The following PDE1A variants were observed in gnomAD, a reference collection of about 807,000 sequenced individuals.
PDE1A encodes the protein phosphodiesterase 1A.
A neutral mutation model predicts 61.7 loss-of-function variants in PDE1A; 35 were observed. The ratio of observed to expected loss-of-function variants is 0.57; its 90% CI spans 0.43 to 0.75. The LOEUF (loss-of-function observed/expected upper bound fraction) is 0.75, where lower values mean the gene tolerates loss of function less well. Among genes scored for constraint, PDE1A ranks in the 30% least tolerant of loss-of-function variants. The pLI, the probability that PDE1A is intolerant of heterozygous loss-of-function variation, is 0.00. For missense variants in PDE1A, 597 were observed against 630.6 expected (o/e 0.95, Z 0.57); for synonymous variants, 232 against 213.2 (o/e 1.09, Z -0.77).
chr2:182,205,859 C>A lies in PDE1A; in HGVS notation c.902+81G>T, dbSNP rs116644185. ...GTAATTTGGGGAATGCATCGACTTT[C>A]ATCTTTTTTCTTGACTTTAAATCGC... On this transcript the variant is annotated intron_variant, in intron 8 of 13. Coordinates refer to ENST00000351439, the Ensembl canonical transcript of PDE1A. 8,802 of 1,290,186 alleles carry A rather than the reference C, an allele frequency of 6.8e-3. 41 individuals are homozygous for A. The highest frequency in any genetic ancestry group is 8.0e-3 in the Non-Finnish European group (7,372 of 924,020). 79.9% of individuals were successfully genotyped at this position (1,290,186 alleles called of 1,614,324 possible). A position where few individuals can be genotyped will look rare whatever the true frequency, so the allele number is the denominator to read the frequency against.
Position 182,177,372 on chromosome 2 carries a change from T to C in PDE1A, c.1516+8520A>G, listed in dbSNP as rs536358630. 4.0e-3 allele frequency among the ~76,000 whole-genome samples: 601 copies of C among 152,072 alleles called. 2 individuals carry two copies. The highest frequency in any genetic ancestry group is 0.012 in the African/African-American group (504 of 41,488). ...ATTGCCACAATTTCAGATCCTGTTA[T>C]TGGTCTATTCAGAGATTCAACTTCT... On this transcript the variant is annotated intron_variant, in intron 13 of 13. Transcript: ENST00000351439.
At chr2:182,626,782 C>T in the PDE1A span, among the ~76,000 whole-genome samples, 19 of 2,552 alleles carry the variant, frequency 7.4e-3, 1 homozygote, top group South Asian at 0.02. Context: ...CATATATATA[C>T]ATATATATAC....
chr2:182,307,025 G>A (rs1035561682), intron 1 of PDE1A, among the ~76,000 whole-genome samples: 1 of 152,072 alleles, frequency 6.6e-6, no homozygotes, highest in African/African-American at 2.4e-5. Context: ...TACCAACTGG[G>A]AGAAATATTT....
chr2:182,694,949 C>T, the PDE1A span, among the ~76,000 whole-genome samples: 1 of 150,844 alleles, frequency 6.6e-6, no homozygotes, highest in African/African-American at 2.4e-5. Context: ...AATATACTAT[C>T]CCATTTTTTG....
intron 2 of PDE1A, among the ~76,000 whole-genome samples, chr2:182,240,599 T>C (rs780981581): frequency 1.3e-5 from 2 of 152,018 alleles, no homozygotes; most frequent in Non-Finnish European, 2.9e-5. Flanking sequence ...ATTCTAATAA[T>C]GAATAAAACT....
At chr2:182,141,848 A>G (rs1690241101) in exon 15 of PDE1A, 1 of 152,240 alleles carries the variant, frequency 6.6e-6, no homozygotes, top group African/African-American at 2.4e-5. Context: ...TCACAAAGAT[A>G]AATTCACTGA....
At chr2:182,466,848 C>T (rs560632420) in intron 2 of PDE1A, among the ~76,000 whole-genome samples, 1 of 152,094 alleles carries the variant, frequency 6.6e-6, no homozygotes, top group African/African-American at 2.4e-5. Flanking sequence ...CTAGTGCCTT[C>T]TTTCTTCTCA....
At chr2:182,536,266 C>A in the PDE1A span, among the ~76,000 whole-genome samples, 1 of 152,204 alleles carries the variant, frequency 6.6e-6, no homozygotes, top group Non-Finnish European at 1.5e-5. Context: ...TACTTAGGTA[C>A]ATGTCATAAA....
chr2:182,330,003 G>A (rs1032481394), intron 1 of PDE1A, among the ~76,000 whole-genome samples: 2 of 151,848 alleles, frequency 1.3e-5, no homozygotes. Flanking sequence ...TACCATCTGT[G>A]ACTATTTAAT....
the PDE1A span, among the ~76,000 whole-genome samples, chr2:182,702,273 T>C: frequency 2.0e-5 from 3 of 152,100 alleles, no homozygotes; most frequent in East Asian, 5.8e-4. Flanking sequence ...CTGGCTAATT[T>C]TTTATATTTT....
the PDE1A span, among the ~76,000 whole-genome samples, chr2:182,567,172 A>C: frequency 6.6e-6 from 1 of 152,174 alleles, no homozygotes; most frequent in Non-Finnish European, 1.5e-5. Flanking sequence ...ATTTGCTATA[A>C]CATTACCATG....
chr2:182,551,340 T>C, the PDE1A span, among the ~76,000 whole-genome samples: 7 of 152,064 alleles, frequency 4.6e-5, no homozygotes, highest in African/African-American at 1.4e-4. Flanking sequence ...TGGGATAATG[T>C]TGGAGAGAGT....
At chr2:182,330,581 C>T (rs975897219) in intron 1 of PDE1A, among the ~76,000 whole-genome samples, 2 of 151,966 alleles carry the variant, frequency 1.3e-5, no homozygotes, top group Non-Finnish European at 2.9e-5. Context: ...TGGCTTCAAC[C>T]GTCTCTTTCT....
chr2:182,618,135 A>G, the PDE1A span, among the ~76,000 whole-genome samples: 1 of 152,220 alleles, frequency 6.6e-6, no homozygotes, highest in Non-Finnish European at 1.5e-5. Flanking sequence ...TTTGTGAGAA[A>G]TTACAGGAAA....
chr2:182,308,012 A>G (rs1695708583), intron 1 of PDE1A, among the ~76,000 whole-genome samples: 1 of 152,212 alleles, frequency 6.6e-6, no homozygotes, highest in Non-Finnish European at 1.5e-5. Flanking sequence ...AAAACTAAAT[A>G]TAATCGTTTT....
At chr2:182,482,392 T>G (rs1291835656) in intron 2 of PDE1A, among the ~76,000 whole-genome samples, 1 of 151,944 alleles carries the variant, frequency 6.6e-6, no homozygotes, top group Admixed American at 6.6e-5. Flanking sequence ...AGTTTTTCAG[T>G]TATCATTTTT....
intron 1 of PDE1A, among the ~76,000 whole-genome samples, chr2:182,360,529 G>GTTTTTTT (rs200227796): frequency 7.8e-6 from 1 of 128,570 alleles, no homozygotes; most frequent in Non-Finnish European, 1.7e-5. Context: ...GCAGTTTAGT[G>GTTTTTTT]TTTTTTTTTT....
chr2:182,459,968 C>T (rs963709023), intron 2 of PDE1A, among the ~76,000 whole-genome samples: 1 of 151,960 alleles, frequency 6.6e-6, no homozygotes, highest in African/African-American at 2.4e-5. Flanking sequence ...TCAAATAATC[C>T]ACTTCTTAGC....
Position 182,231,137 on chromosome 2 carries a change from GAA to G in PDE1A, c.418-8_418-7del. 7.0e-7 allele frequency: 1 copy of G among 1,436,160 alleles called. No individual in the cohort carries two copies. The highest frequency in any genetic ancestry group is 1.2e-5 in the South Asian group (1 of 85,088). 89.0% of individuals were successfully genotyped at this position (1,436,160 alleles called of 1,614,324 possible). A position where few individuals can be genotyped will look rare whatever the true frequency, so the allele number is the denominator to read the frequency against. On this transcript the variant is annotated splice_region_variant and splice_polypyrimidine_tract_variant and intron_variant, in intron 4 of 13. Coordinates refer to ENST00000351439, the Ensembl canonical transcript of PDE1A. ...AAAGACCATTTATCAACATCCTGTA[GAA>G]AAAAGAATAAATACTTTAGGTGCCA...
Sources: allele counts gnomAD v4.1 joint callset (sites outside exome capture counted in the v4.1 genomes callset), GRCh38; gene constraint gnomAD v4.1.1; transcripts MANE v1.5; gene names NCBI Gene and HGNC (gene_info 2026-07-23, HGNC 2026-07-21).